The following CSRP1 variants were observed in gnomAD, a reference collection of about 807,000 sequenced individuals.
CSRP1 encodes cysteine and glycine-rich protein 1.
CSRP1 carries 16 observed loss-of-function variants against 25.4 expected under a neutral mutation model. The observed-to-expected ratio is 0.63, with a 90% confidence interval of 0.43 to 0.96. The LOEUF (loss-of-function observed/expected upper bound fraction) is 0.96, where lower values mean the gene tolerates loss of function less well. CSRP1 is among the 40% of genes least tolerant of loss of function. The pLI, the probability that CSRP1 is intolerant of heterozygous loss-of-function variation, is 0.00. For missense variants in CSRP1, 212 were observed against 243.6 expected (o/e 0.87, Z 0.86); for synonymous variants, 97 against 95.3 (o/e 1.02, Z -0.10).
intron 5 of CSRP1, 21 bp downstream of exon 5, chr1:201,485,262 A>G: frequency 1.2e-6 from 2 of 1,612,872 alleles, no homozygotes; most frequent in African/African-American, 1.3e-5. Flanking sequence ...CTGACCCTCA[A>G]TTAGAAGTGA....
rs1205551210 is a variant in CSRP1, at chr1:201,485,478, C to T, written c.412-102G>A. 3 of 1,032,214 alleles carry T rather than the reference C, an allele frequency of 2.9e-6. No homozygotes were observed. The East Asian group carries it at 7.4e-5, about 25-fold the overall frequency. The allele number at this position is 1,032,214 out of a possible 1,614,324, so 63.9% of individuals were successfully genotyped here. A position where few individuals can be genotyped will look rare whatever the true frequency, so the allele number is the denominator to read the frequency against. On this transcript the variant is annotated intron_variant, in intron 4 of 5. Transcript: ENST00000340006. Reference sequence around the variant, plus strand: ...CATAACCATGGTATAAGGGCTCAAGCCACTTCTGAAGTCTACTCAGCTGGT... The same window carrying T: ...CATAACCATGGTATAAGGGCTCAAGTCACTTCTGAAGTCTACTCAGCTGGT...
At chr1:201,500,338 A>C (rs1269304042) in intron 1 of CSRP1, among the ~76,000 whole-genome samples, 1 of 152,204 alleles carries the variant, frequency 6.6e-6, no homozygotes, top group African/African-American at 2.4e-5. Context: ...GGGGAGACCC[A>C]CAGCTCCATA....
chr1:201,504,986 G>T (rs569653568), intron 1 of CSRP1, among the ~76,000 whole-genome samples: 1 of 152,178 alleles, frequency 6.6e-6, no homozygotes, highest in African/African-American at 2.4e-5. Context: ...TGTAATCCCA[G>T]CTACTTGGAA....
chr1:201,504,807 A>G (rs920080881), intron 1 of CSRP1, among the ~76,000 whole-genome samples: 27 of 152,132 alleles, frequency 1.8e-4, no homozygotes, highest in African/African-American at 6.3e-4. Flanking sequence ...CAAAAAAAAA[A>G]AAAACACCAG....
intron 1 of CSRP1, among the ~76,000 whole-genome samples, chr1:201,497,827 T>C (rs765330467): frequency 2.6e-5 from 4 of 151,982 alleles, no homozygotes; most frequent in African/African-American, 4.8e-5. Flanking sequence ...CTGACCAACA[T>C]GGTGAAAACC....
At chr1:201,486,933 A>C in intron 4 of CSRP1, 3 of 1,275,388 alleles carry the variant, frequency 2.4e-6, no homozygotes, top group Admixed American at 5.5e-5. Context: ...CAAAAAACCC[A>C]ACTTAATAAT....
chr1:201,498,978 C>A (rs1386603471), intron 1 of CSRP1, among the ~76,000 whole-genome samples: 1 of 152,200 alleles, frequency 6.6e-6, no homozygotes, highest in East Asian at 1.9e-4. Flanking sequence ...CAGGCTCCCA[C>A]ACATCGCTGA....
At chr1:201,485,539 T>G (rs1165732605) in intron 4 of CSRP1, 163 bp from the exon 5 acceptor site, 2 of 621,598 alleles carry the variant, frequency 3.2e-6, no homozygotes, top group Non-Finnish European at 5.7e-6. Context: ...TGCAAGGCAG[T>G]AGAGGGAGAA....
intron 1 of CSRP1, among the ~76,000 whole-genome samples, chr1:201,501,134 G>A (rs1368521596): frequency 6.6e-6 from 1 of 152,160 alleles, no homozygotes; most frequent in Non-Finnish European, 1.5e-5. Context: ...ATTAAATGAG[G>A]AGGTATGGAA....
chr1:201,484,887 CAG>C, intron 5 of CSRP1, 98 bp from the exon 6 acceptor site: 3 of 1,060,928 alleles, frequency 2.8e-6, no homozygotes, highest in Admixed American at 4.1e-5. Context: ...AGTGCCCAGC[CAG>C]ACTGCTAGGG....
At chr1:201,502,843 T>G (rs969798399) in intron 1 of CSRP1, among the ~76,000 whole-genome samples, 4 of 151,912 alleles carry the variant, frequency 2.6e-5, no homozygotes, top group Admixed American at 2.6e-4. Flanking sequence ...ACTCTTGGAG[T>G]TCAGAAGTTT....
At chr1:201,493,281 C>T (rs1664400839) in intron 2 of CSRP1, among the ~76,000 whole-genome samples, 2 of 152,194 alleles carry the variant, frequency 1.3e-5, no homozygotes, top group Admixed American at 6.5e-5. Flanking sequence ...ATGTCTTCCT[C>T]CCGCCCATTC....
chr1:201,503,635 T>C (rs997399045), intron 1 of CSRP1, among the ~76,000 whole-genome samples: 1 of 152,192 alleles, frequency 6.6e-6, no homozygotes, highest in Non-Finnish European at 1.5e-5. Context: ...CCCCCGTATT[T>C]ACACACTTTA....
intron 4 of CSRP1, 192 bp downstream of exon 4, chr1:201,488,663 T>C: frequency 1.8e-6 from 1 of 541,934 alleles, no homozygotes; most frequent in South Asian, 2.2e-5. Context: ...ATGTTACTGC[T>C]CATGGCTGAT....
Position 201,483,765 on chromosome 1 carries a change from G to A in CSRP1, c.*948C>T. ...GGTGGAGTGGAAGAGGCAGGGTCTT[G>A]GGTTAAAGGGAAGATTCTGAGGTCT... is the stretch of plus-strand genomic sequence containing the variant. On this transcript the variant is annotated 3_prime_UTR_variant, in exon 6 of 6. Coordinates refer to ENST00000340006, the MANE Select transcript of CSRP1 (RefSeq NM_004078.3). 2.2e-6 allele frequency: 1 copy of A among 461,810 alleles called. No individual in the cohort carries two copies. Among genetic ancestry groups the A allele is most frequent in the Non-Finnish European group, 4.0e-6 (1 of 252,928 alleles). 28.6% of individuals were successfully genotyped at this position (461,810 alleles called of 1,614,324 possible).
At chr1:201,488,825 C>T (rs1194502287) in intron 4 of CSRP1, 30 bp downstream of exon 4, 2 of 1,608,722 alleles carry the variant, frequency 1.2e-6, no homozygotes, top group Non-Finnish European at 8.5e-7. Context: ...TATCTCCCCC[C>T]ATCCCTCTCA....
chr1:201,496,504 C>G (rs904512691), intron 1 of CSRP1, 200 bp from the exon 2 acceptor site: 7 of 601,320 alleles, frequency 1.2e-5, no homozygotes, highest in African/African-American at 1.1e-4. Context: ...TTCCTCCCCC[C>G]AATCTAATCA....
At chr1:201,489,763 G>A (rs368239527) in intron 3 of CSRP1, 130 of 159,218 alleles carry the variant, frequency 8.2e-4, no homozygotes, top group African/African-American at 2.6e-3. Flanking sequence ...CCAGCTACTC[G>A]GGAGCCTGAG....
chr1:201,498,848 TGA>T (rs1664585579), intron 1 of CSRP1, among the ~76,000 whole-genome samples: 1 of 152,192 alleles, frequency 6.6e-6, no homozygotes, highest in Non-Finnish European at 1.5e-5. Flanking sequence ...GTGTGCAGGC[TGA>T]GAGGCAGAGC....
Sources: gnomAD v4.1 joint callset for allele counts (sites outside exome capture counted in the v4.1 genomes callset) on GRCh38, gnomAD v4.1.1 for gene constraint, MANE v1.5 for transcripts, NCBI Gene and HGNC (gene_info 2026-07-23, HGNC 2026-07-21) for gene names.